The following STIM1 variants were observed in gnomAD, a reference collection of about 807,000 sequenced individuals.
STIM1 encodes the protein stromal interaction molecule 1.
In STIM1, 25 loss-of-function variants were observed where a neutral mutation model predicts 74.7. That is an observed-to-expected ratio of 0.33 (90% CI 0.24 to 0.47). The LOEUF (loss-of-function observed/expected upper bound fraction) is 0.47, where lower values mean the gene tolerates loss of function less well. STIM1 is among the 20% of genes least tolerant of loss of function. STIM1 has a pLI of 1.00. For missense variants in STIM1, 728 were observed against 920.8 expected (o/e 0.79, Z 2.71); for synonymous variants, 328 against 348.8 (o/e 0.94, Z 0.66).
chr11:3,866,607 A>C (rs1331552386), intron 1 of STIM1, among the ~76,000 whole-genome samples: 1 of 151,942 alleles, frequency 6.6e-6, no homozygotes, highest in Non-Finnish European at 1.5e-5. Flanking sequence ...TTGTATATTT[A>C]GTAGAGACGG....
At chr11:3,891,585 A>T (rs1477872830) in intron 1 of STIM1, among the ~76,000 whole-genome samples, 1 of 152,158 alleles carries the variant, frequency 6.6e-6, no homozygotes, top group Non-Finnish European at 1.5e-5. Context: ...GTGCAGGCTC[A>T]CTATTGTATT....
intron 1 of STIM1, among the ~76,000 whole-genome samples, chr11:3,858,146 ATT>A (rs1244997259): frequency 1.3e-5 from 2 of 151,890 alleles, no homozygotes; most frequent in Non-Finnish European, 2.9e-5. Context: ...TAAGATGAAT[ATT>A]TTTTGGAGAG....
chr11:3,959,569 T>A (rs2093262278), intron 1 of STIM1, among the ~76,000 whole-genome samples: 1 of 152,154 alleles, frequency 6.6e-6, no homozygotes, highest in Non-Finnish European at 1.5e-5. Flanking sequence ...GGATGTGGTA[T>A]GTGAACAACT....
At chr11:4,006,236 T>C (rs2093779486) in intron 2 of STIM1, among the ~76,000 whole-genome samples, 1 of 152,192 alleles carries the variant, frequency 6.6e-6, no homozygotes, top group African/African-American at 2.4e-5. Flanking sequence ...TCTTTCTTCC[T>C]CCTGCTCTGG....
chr11:3,972,322 T>C (rs2093403946), intron 2 of STIM1, among the ~76,000 whole-genome samples: 1 of 152,198 alleles, frequency 6.6e-6, no homozygotes, highest in Non-Finnish European at 1.5e-5. Context: ...AGTGTTAACT[T>C]TTCGTTGTAT....
chr11:4,053,670 T>G (rs902513037), intron 3 of STIM1, among the ~76,000 whole-genome samples: 1 of 151,798 alleles, frequency 6.6e-6, no homozygotes, highest in Non-Finnish European at 1.5e-5. Context: ...ACATGGCACA[T>G]GTATAGATAT....
chr11:4,003,915 C>T (rs891760933), intron 2 of STIM1, among the ~76,000 whole-genome samples: 1 of 152,116 alleles, frequency 6.6e-6, no homozygotes, highest in Non-Finnish European at 1.5e-5. Context: ...AATCAATGTA[C>T]AAAAATCACA....
At position 4,091,911 on chromosome 11, in the gene STIM1, GGT is replaced by G; in HGVS notation, c.*114_*115del. On this transcript the variant is annotated 3_prime_UTR_variant, in exon 13 of 13. Coordinates refer to ENST00000526596, the MANE Select transcript of STIM1 (RefSeq NM_001382567.1). ...CCAAGAGTGGGGCATGGGAAGGGCT[GGT>G]CCAGGGGTCTGGGCACTGTACATAC... 7.0e-7 allele frequency: 1 copy of G among 1,433,988 alleles called. No homozygotes were observed. Among genetic ancestry groups the G allele is most frequent in the Non-Finnish European group, 9.5e-7 (1 of 1,048,662 alleles). 88.8% of individuals were successfully genotyped at this position (1,433,988 alleles called of 1,614,324 possible). A position where few individuals can be genotyped will look rare whatever the true frequency, so the allele number is the denominator to read the frequency against.
chr11:3,909,239 G>A (rs1212862332), intron 1 of STIM1, among the ~76,000 whole-genome samples: 1 of 152,178 alleles, frequency 6.6e-6, no homozygotes, highest in Admixed American at 6.5e-5. Context: ...TGTCTCCAGG[G>A]TAAAATGAGG....
intron 1 of STIM1, among the ~76,000 whole-genome samples, chr11:3,922,873 G>A (rs1057182081): frequency 2.6e-5 from 4 of 151,974 alleles, no homozygotes; most frequent in South Asian, 2.1e-4. Flanking sequence ...TGAGGCGGGC[G>A]GATCACCTGA....
At chr11:3,964,603 C>A (rs553504002) in intron 1 of STIM1, among the ~76,000 whole-genome samples, 87 of 152,188 alleles carry the variant, frequency 5.7e-4, no homozygotes, top group African/African-American at 2.0e-3. Context: ...CCTGGAGGCC[C>A]CAAACCCTAG....
chr11:4,091,038 A>C (rs1383008577), intron 12 of STIM1, among the ~76,000 whole-genome samples: 1 of 149,784 alleles, frequency 6.7e-6, no homozygotes, highest in African/African-American at 2.5e-5. Context: ...TTTCCAATCT[A>C]TCCTCATTCC....
At chr11:3,980,245 A>G (rs2093488974) in intron 2 of STIM1, among the ~76,000 whole-genome samples, 1 of 152,184 alleles carries the variant, frequency 6.6e-6, no homozygotes, top group Non-Finnish European at 1.5e-5. Context: ...TATTAACTCC[A>G]TTTTAGAGAT....
At chr11:3,959,429 C>T (rs1375069151) in intron 1 of STIM1, among the ~76,000 whole-genome samples, 1 of 152,108 alleles carries the variant, frequency 6.6e-6, no homozygotes, top group Admixed American at 6.6e-5. Flanking sequence ...TTAATTAATT[C>T]ACACATTCTT....
intron 1 of STIM1, among the ~76,000 whole-genome samples, chr11:3,945,090 T>C (rs964389630): frequency 6.6e-6 from 1 of 152,170 alleles, no homozygotes; most frequent in African/African-American, 2.4e-5. Context: ...CTGCCTGGGT[T>C]TGAATCCTTA....
chr11:3,870,844 G>A (rs115432560), intron 1 of STIM1, among the ~76,000 whole-genome samples: 8 of 149,718 alleles, frequency 5.3e-5, no homozygotes, highest in South Asian at 2.1e-4. Flanking sequence ...ACAGAACACC[G>A]AGTGACCATA....
chr11:3,864,349 G>C (rs2090761545), intron 1 of STIM1, among the ~76,000 whole-genome samples: 3 of 152,196 alleles, frequency 2.0e-5, no homozygotes, highest in African/African-American at 7.2e-5. Flanking sequence ...CGGGAGTCTG[G>C]ATATAGCTTG....
At chr11:3,869,589 G>T (rs562484238) in intron 1 of STIM1, among the ~76,000 whole-genome samples, 1 of 152,146 alleles carries the variant, frequency 6.6e-6, no homozygotes, top group South Asian at 2.1e-4. Context: ...AGAGTCTTTG[G>T]GGGGCAGTAG....
At chr11:3,991,849 C>T (rs992555070) in intron 2 of STIM1, among the ~76,000 whole-genome samples, 2 of 145,334 alleles carry the variant, frequency 1.4e-5, no homozygotes, top group Non-Finnish European at 3.0e-5. Context: ...ACTTGGAAGG[C>T]TGAGGCAGGA....
Sources: allele counts gnomAD v4.1 joint callset (sites outside exome capture counted in the v4.1 genomes callset), GRCh38; gene constraint gnomAD v4.1.1; transcripts MANE v1.5; gene names NCBI Gene and HGNC (gene_info 2026-07-23, HGNC 2026-07-21).